The following SAMMSON variants were observed in gnomAD, a reference collection of about 807,000 sequenced individuals.
The protein encoded by SAMMSON is long intergenic non-protein coding RNA 1212.
intron 4 of SAMMSON, among the ~76,000 whole-genome samples, chr3:70,115,809 G>C (rs574464591): frequency 6.6e-6 from 1 of 152,156 alleles, no homozygotes; most frequent in Admixed American, 6.5e-5. Context: ...CAAACAAAAA[G>C]ACACATTGAC....
intron 1 of SAMMSON, among the ~76,000 whole-genome samples, chr3:70,012,002 C>T (rs897314663): frequency 3.9e-5 from 6 of 151,992 alleles, no homozygotes. Flanking sequence ...GGTCTTTAGG[C>T]CAGAAGAGAA....
intron 4 of SAMMSON, among the ~76,000 whole-genome samples, chr3:70,184,625 T>C (rs922513977): frequency 1.1e-4 from 16 of 152,326 alleles, no homozygotes; most frequent in African/African-American, 3.8e-4. Flanking sequence ...ACTGATTAGA[T>C]TTTTAGACAA....
chr3:70,336,452 T>G (rs771501421), intron 7 of SAMMSON, among the ~76,000 whole-genome samples: 4 of 152,032 alleles, frequency 2.6e-5, no homozygotes, highest in Non-Finnish European at 5.9e-5. Flanking sequence ...TCCTGAGATT[T>G]CCGTGTAACA....
At chr3:70,041,600 G>C (rs549366378) in intron 3 of SAMMSON, among the ~76,000 whole-genome samples, 1 of 151,446 alleles carries the variant, frequency 6.6e-6, no homozygotes, top group Non-Finnish European at 1.5e-5. Context: ...CTGTGGATTC[G>C]AGCAACCACA....
rs186977728 is a variant in SAMMSON at position 70,083,717 on chromosome 3, A to G, written n.507+12152A>G. ...GCAGATCCTCTGGTCTCAGTTCTGCATATCATTTTAGAACATAGCCTTCCT... is the reference window on the plus strand; with the variant it reads ...GCAGATCCTCTGGTCTCAGTTCTGCGTATCATTTTAGAACATAGCCTTCCT... On this transcript the variant is annotated intron_variant and non_coding_transcript_variant, in intron 4 of 9. Coordinates refer to ENST00000642114, the Ensembl canonical transcript of SAMMSON. Among the ~76,000 whole-genome samples the G allele has an allele frequency of 3.3e-5, 5 of 152,230 alleles. No individual in the cohort carries two copies. The East Asian group carries it at 5.8e-4, about 18-fold the overall frequency.
At chr3:70,419,227 T>C (rs766734219) in intron 2 of SAMMSON, among the ~76,000 whole-genome samples, 10 of 151,804 alleles carry the variant, frequency 6.6e-5, no homozygotes, top group Non-Finnish European at 1.3e-4. Flanking sequence ...GAGATAGGGT[T>C]TTGCCATGTG....
At chr3:70,126,187 A>C (rs2067457748) in intron 4 of SAMMSON, 7 of 1,141,958 alleles carry the variant, frequency 6.1e-6, no homozygotes, top group Non-Finnish European at 8.9e-6. Context: ...GTTTGGTGTA[A>C]TTACATTTTC....
chr3:70,029,916 A>G (rs1303362550), intron 3 of SAMMSON, among the ~76,000 whole-genome samples: 2 of 152,116 alleles, frequency 1.3e-5, no homozygotes, highest in Admixed American at 6.6e-5. Context: ...TCTGTCCATT[A>G]CTTGAGAGAT....
intron 4 of SAMMSON, among the ~76,000 whole-genome samples, chr3:70,229,047 C>A (rs1358466610): frequency 1.3e-5 from 2 of 152,206 alleles, no homozygotes; most frequent in African/African-American, 2.4e-5. Context: ...TTAGCCTCCA[C>A]AGCTAAAGAG....
chr3:70,209,877 GCA>G (rs1242403273), intron 4 of SAMMSON, among the ~76,000 whole-genome samples: 5 of 151,952 alleles, frequency 3.3e-5, no homozygotes, highest in African/African-American at 1.2e-4. Flanking sequence ...TACCTTCTTT[GCA>G]CACTCAGGGA....
chr3:70,182,155 A>G (rs1335777301), intron 4 of SAMMSON, among the ~76,000 whole-genome samples: 1 of 151,882 alleles, frequency 6.6e-6, no homozygotes, highest in African/African-American at 2.4e-5. Flanking sequence ...GGTGCTAAGG[A>G]GGTTTTTTTT....
intron 6 of SAMMSON, among the ~76,000 whole-genome samples, chr3:70,252,641 A>G (rs575299780): frequency 6.6e-6 from 1 of 152,316 alleles, no homozygotes; most frequent in Non-Finnish European, 1.5e-5. Context: ...GGAGGTAACT[A>G]TTTGGTTCCA....
intron 9 of SAMMSON, among the ~76,000 whole-genome samples, chr3:70,365,130 T>C (rs1702911029): frequency 6.6e-6 from 1 of 151,722 alleles, no homozygotes; most frequent in African/African-American, 2.4e-5. Context: ...ATACAGAATA[T>C]TTTTGCCATC....
intron 4 of SAMMSON, among the ~76,000 whole-genome samples, chr3:70,176,461 C>T (rs193115401): frequency 2.2e-4 from 33 of 152,214 alleles, no homozygotes; most frequent in Admixed American, 1.3e-4. Context: ...AATGTCTTGA[C>T]CTGACGTGGA....
At chr3:70,366,492 G>GTTTTTTTTTTTTTTTTTTT in intron 9 of SAMMSON, among the ~76,000 whole-genome samples, 5 of 100,754 alleles carry the variant, frequency 5.0e-5, no homozygotes, top group Non-Finnish European at 6.2e-5. Context: ...GTGTTTTTAT[G>GTTTTTTTTTTTTTTTTTTT]TTTTTTTTTT....
At chr3:70,017,823 C>T (rs1233908810) in intron 3 of SAMMSON, among the ~76,000 whole-genome samples, 7 of 152,116 alleles carry the variant, frequency 4.6e-5, no homozygotes, top group African/African-American at 1.2e-4. Context: ...AAGGCCTTTT[C>T]TTCATCTATT....
chr3:70,073,557 G>T (rs911173819), intron 4 of SAMMSON, among the ~76,000 whole-genome samples: 2 of 151,832 alleles, frequency 1.3e-5, no homozygotes, highest in African/African-American at 4.8e-5. Flanking sequence ...GAAAACTAAG[G>T]TTATTGGTTT....
chr3:70,115,390 T>C (rs2067406540), intron 4 of SAMMSON, among the ~76,000 whole-genome samples: 1 of 152,084 alleles, frequency 6.6e-6, no homozygotes, highest in East Asian at 1.9e-4. Context: ...TCAAAAAGGA[T>C]TCTAAAACAA....
intron 2 of SAMMSON, among the ~76,000 whole-genome samples, chr3:70,399,317 T>C (rs371614183): frequency 6.6e-6 from 1 of 152,234 alleles, no homozygotes. Flanking sequence ...TCCTCATCTG[T>C]TAAATGGGGT....
Sources: allele counts gnomAD v4.1 joint callset (sites outside exome capture counted in the v4.1 genomes callset), GRCh38; gene constraint gnomAD v4.1.1; transcripts MANE v1.5; gene names NCBI Gene and HGNC (gene_info 2026-07-23, HGNC 2026-07-21).